Variants in GADL1 observed in about 807,000 individuals in gnomAD.
GADL1 encodes the protein acidic amino acid decarboxylase GADL1.
A neutral mutation model predicts 69.5 loss-of-function variants in GADL1; 71 were observed. That is an observed-to-expected ratio of 1.02 (90% CI 0.84 to 1.25). The LOEUF (loss-of-function observed/expected upper bound fraction) is 1.25. Ranked by LOEUF, GADL1 falls within the 50% of genes most tolerant of loss-of-function variation. GADL1 has a pLI of 0.00. For missense variants in GADL1, 737 were observed against 631.8 expected, an observed-to-expected ratio of 1.17 and a Z score of -1.79; for synonymous variants, 254 against 214.4, an observed-to-expected ratio of 1.18 and a Z score of -1.62.
chr3:30,836,877 C>G (rs1364925776), intron 9 of GADL1, among the ~76,000 whole-genome samples: 2 of 152,046 alleles, frequency 1.3e-5, no homozygotes, highest in Non-Finnish European at 2.9e-5. Context: ...AGGAAGAGAA[C>G]AGTACTGGAG....
chr3:30,835,517 C>G (rs1016304388), intron 9 of GADL1, among the ~76,000 whole-genome samples: 1 of 152,064 alleles, frequency 6.6e-6, no homozygotes, highest in South Asian at 2.1e-4. Flanking sequence ...GCACAAGCAA[C>G]TTTGTGGCCT....
At chr3:30,728,927 T>C (rs1695411277) in intron 14 of GADL1, among the ~76,000 whole-genome samples, 1 of 151,038 alleles carries the variant, frequency 6.6e-6, no homozygotes, top group African/African-American at 2.4e-5. Context: ...AAAACAAATA[T>C]GGATATTATG....
intron 6 of GADL1, among the ~76,000 whole-genome samples, chr3:30,845,466 C>T (rs1164662362): frequency 1.3e-5 from 2 of 152,038 alleles, no homozygotes; most frequent in African/African-American, 4.8e-5. Context: ...GTAGTCATGC[C>T]TTCACACTTC....
intron 14 of GADL1, among the ~76,000 whole-genome samples, chr3:30,761,392 G>GT (rs1696127460): frequency 6.6e-6 from 1 of 152,050 alleles, no homozygotes; most frequent in Non-Finnish European, 1.5e-5. Context: ...GACAAAACAA[G>GT]TAGCCAAGTC....
At chr3:30,844,525 A>T in intron 6 of GADL1, 59 bp from the exon 7 acceptor site, 4 of 1,066,186 alleles carry the variant, frequency 3.8e-6, no homozygotes, top group East Asian at 2.4e-5. Context: ...CAAAAAAAGC[A>T]TTGCTTATTA....
intron 1 of GADL1, among the ~76,000 whole-genome samples, chr3:30,863,699 C>T (rs955340336): frequency 6.9e-6 from 1 of 144,014 alleles, no homozygotes; most frequent in African/African-American, 2.5e-5. Flanking sequence ...CTTAAATATT[C>T]CAATGGTCTA....
chr3:30,787,504 C>CAA (rs1192991028), intron 12 of GADL1, among the ~76,000 whole-genome samples: 2 of 152,112 alleles, frequency 1.3e-5, no homozygotes, highest in African/African-American at 4.8e-5. Flanking sequence ...CCCAGTACTT[C>CAA]AAATCTAGGA....
Position 30,805,734 on chromosome 3 carries a change from C to CTTTTTTTTTTTTTT in GADL1, c.1051-4660_1051-4647dup, listed in dbSNP as rs34788058. ...ATTCTGTGCACCAGCAGTCCCCAGC[C>CTTTTTTTTTTTTTT]TTTTTTTTTTTTTTTTTTTTTTTTG... On this transcript the variant is annotated intron_variant, in intron 11 of 14. Coordinates refer to ENST00000282538, the MANE Select transcript of GADL1 (RefSeq NM_207359.3). Among the ~76,000 whole-genome samples, 12 of 66,090 alleles carry CTTTTTTTTTTTTTT rather than the reference C, an allele frequency of 1.8e-4. 1 individual carries two copies. In the East Asian group the frequency reaches 2.1e-3, roughly 12 times the overall value. The allele number at this position is 66,090 out of a possible 152,430, so 43.4% of individuals were successfully genotyped here.
chr3:30,845,910 T>G (rs1698045299), intron 6 of GADL1, among the ~76,000 whole-genome samples: 1 of 152,070 alleles, frequency 6.6e-6, no homozygotes. Flanking sequence ...AAAAGCACAA[T>G]GCTCTCCCCC....
chr3:30,778,424 T>C (rs1032620523), intron 13 of GADL1, among the ~76,000 whole-genome samples, 156 bp from the exon 14 acceptor site: 27 of 152,344 alleles, frequency 1.8e-4, no homozygotes, highest in African/African-American at 5.1e-4. Flanking sequence ...TTCTGCCTTC[T>C]TGATAACATC....
intron 1 of GADL1, among the ~76,000 whole-genome samples, chr3:30,894,325 T>C (rs1419561107): frequency 1.3e-5 from 2 of 152,232 alleles, no homozygotes; most frequent in East Asian, 3.9e-4. Context: ...AATACGCATT[T>C]ATTTAACAAA....
chr3:30,864,076 T>C lies in GADL1; in HGVS notation c.38-2311A>G, dbSNP rs570058536. Among the ~76,000 whole-genome samples the C allele has an allele frequency of 7.2e-4, 109 of 152,072 alleles. 1 individual carries two copies. Among genetic ancestry groups the C allele is most frequent in the African/African-American group, 2.4e-3 (99 of 41,544 alleles). The stretch of plus-strand genomic sequence containing the variant: ...ACATTTAACATGGTTTAGGGCCAAA[T>C]ATTGAAACCCTAGAATTGAGCTTTT... On this transcript the variant is annotated intron_variant, in intron 1 of 14. Coordinates refer to ENST00000282538, the MANE Select transcript of GADL1 (RefSeq NM_207359.3).
At position 30,844,955 on chromosome 3, in the gene GADL1, C is replaced by T. The variant is rs116402383; in HGVS notation, c.652-489G>A. On this transcript the variant is annotated intron_variant, in intron 6 of 14. Transcript: ENST00000282538. ...TGGAAACTTAGAATCTAGTCCACTG[C>T]TGACTTGAAACCCTCTAAGGAGAGG... Among the ~76,000 whole-genome samples the T allele has an allele frequency of 2.4e-3, 372 of 152,250 alleles. 1 individual carries two copies. Among genetic ancestry groups the T allele is most frequent in the African/African-American group, 8.7e-3 (362 of 41,542 alleles).
intron 13 of GADL1, 114 bp from the exon 14 acceptor site, chr3:30,778,382 T>G: frequency 1.5e-6 from 1 of 670,028 alleles, no homozygotes; most frequent in Non-Finnish European, 2.6e-6. Flanking sequence ...GTATAAAATT[T>G]TAACATCAGA....
At chr3:30,878,326 C>G (rs1698603069) in intron 1 of GADL1, among the ~76,000 whole-genome samples, 1 of 151,864 alleles carries the variant, frequency 6.6e-6, no homozygotes, top group African/African-American at 2.4e-5. Flanking sequence ...CTCTTCAGAA[C>G]CATAAATTTC....
intron 4 of GADL1, 109 bp from the exon 5 acceptor site, chr3:30,851,050 A>G (rs1575234407): frequency 3.3e-6 from 2 of 615,038 alleles, no homozygotes; most frequent in Non-Finnish European, 5.7e-6. Context: ...GCTGAAGTGT[A>G]GGCAGTCTTT....
At chr3:30,853,702 T>G (rs1698184553) in intron 4 of GADL1, among the ~76,000 whole-genome samples, 1 of 151,662 alleles carries the variant, frequency 6.6e-6, no homozygotes, top group African/African-American at 2.4e-5. Flanking sequence ...GTCCCAGGAG[T>G]CTTCTCCCTT....
At chr3:30,759,623 C>CT (rs1696073394) in intron 14 of GADL1, among the ~76,000 whole-genome samples, 3 of 112,438 alleles carry the variant, frequency 2.7e-5, no homozygotes, top group South Asian at 7.3e-4. Flanking sequence ...TTGTACATTG[C>CT]TGAACTATGC....
intron 11 of GADL1, among the ~76,000 whole-genome samples, chr3:30,805,293 G>A (rs1319677953): frequency 6.6e-6 from 1 of 152,164 alleles, no homozygotes; most frequent in African/African-American, 2.4e-5. Context: ...CTTAGATTCA[G>A]GGCCTGAACG....
Sources: gnomAD v4.1 joint callset for allele counts (sites outside exome capture counted in the v4.1 genomes callset) on GRCh38, gnomAD v4.1.1 for gene constraint, MANE v1.5 for transcripts, NCBI Gene and HGNC (gene_info 2026-07-23, HGNC 2026-07-21) for gene names.